The following SLC16A12 variants were observed in gnomAD, a reference collection of about 807,000 sequenced individuals.
SLC16A12 encodes the protein solute carrier family 16 member 12, also known as monocarboxylate transporter 12.
SLC16A12 carries 17 observed loss-of-function variants against 42.4 expected under a neutral mutation model. The ratio of observed to expected loss-of-function variants is 0.40; its 90% CI spans 0.27 to 0.60. SLC16A12 has a LOEUF of 0.60. Among genes scored for constraint, SLC16A12 ranks in the 20% least tolerant of loss-of-function variants. The pLI is 0.42. For missense variants in SLC16A12, 544 were observed against 623.0 expected (o/e 0.87, Z 1.35); for synonymous variants, 224 against 229.4 (o/e 0.98, Z 0.21).
intron 2 of SLC16A12, among the ~76,000 whole-genome samples, chr10:89,463,600 C>T (rs1204594141): frequency 6.6e-6 from 1 of 151,848 alleles, no homozygotes; most frequent in Admixed American, 6.6e-5. Context: ...ATAAAACAAA[C>T]CAAGATAAAA....
In SLC16A12 at chr10:89,487,809, C is replaced by CAAA. The variant is rs71022569; in HGVS notation, c.-46-25188_-46-25186dup. 3.1e-3 allele frequency among the ~76,000 whole-genome samples: 258 copies of CAAA among 84,536 alleles called. 5 individuals are homozygous for CAAA. Among genetic ancestry groups the CAAA allele is most frequent in the Middle Eastern group, 7.9e-3 (1 of 126 alleles). The allele number at this position is 84,536 out of a possible 152,430, so 55.5% of individuals were successfully genotyped here. The stretch of plus-strand genomic sequence containing the variant: ...CCTGGGCAACAGAGCGATTCTGTCT[C>CAAA]AAAAAAAAAAAAAAAAAAAAGGAAG... On this transcript the variant is annotated intron_variant, in intron 2 of 7. Coordinates refer to ENST00000371790, the MANE Select transcript of SLC16A12 (RefSeq NM_213606.4).
chr10:89,536,283 C>T (rs924702024), upstream of SLC16A12, among the ~76,000 whole-genome samples: 7 of 152,166 alleles, frequency 4.6e-5, no homozygotes, highest in African/African-American at 1.7e-4. Context: ...GCCAATCCTT[C>T]CCATTTCACA....
intron 2 of SLC16A12, among the ~76,000 whole-genome samples, chr10:89,474,319 C>T (rs1055250063): frequency 6.6e-6 from 1 of 152,154 alleles, no homozygotes; most frequent in Non-Finnish European, 1.5e-5. Context: ...TTACCCAAAC[C>T]CAAACAAAAT....
intron 2 of SLC16A12, among the ~76,000 whole-genome samples, chr10:89,488,616 T>C (rs1842799899): frequency 6.6e-6 from 1 of 152,212 alleles, no homozygotes; most frequent in African/African-American, 2.4e-5. Flanking sequence ...ATGCCTAGGA[T>C]AAAAGCAGCA....
intron 3 of SLC16A12, among the ~76,000 whole-genome samples, chr10:89,455,616 G>A (rs1044719124): frequency 3.3e-5 from 5 of 152,176 alleles, no homozygotes; most frequent in African/African-American, 1.2e-4. Context: ...CATGATGTAT[G>A]CCTCTGAACA....
chr10:89,529,370 C>A (rs1843504134), intron 2 of SLC16A12, among the ~76,000 whole-genome samples: 1 of 151,822 alleles, frequency 6.6e-6, no homozygotes, highest in African/African-American at 2.4e-5. Flanking sequence ...TTGAAAAAAA[C>A]ATAGTCTACA....
intron 2 of SLC16A12, among the ~76,000 whole-genome samples, chr10:89,482,250 A>AG (rs1388156906): frequency 0.04 from 6,116 of 151,112 alleles, 420 homozygotes; most frequent in African/African-American, 0.14. Flanking sequence ...AAAAAAAAAA[A>AG]AAGAAGAAGA....
At position 89,515,103 on chromosome 10, in the gene SLC16A12, GCAAAACAAAA is replaced by G. The variant is rs71942300; in HGVS notation, c.-47+19388_-47+19397del. ...CAAGACTTCATCTCAAAAAAAAGAA[GCAAAACAAAA>G]CAAAACAAAACAAAACAAAAAAAAA... On this transcript the variant is annotated intron_variant, in intron 2 of 7. Coordinates refer to ENST00000371790, the MANE Select transcript of SLC16A12 (RefSeq NM_213606.4). 3.0e-3 allele frequency among the ~76,000 whole-genome samples: 427 copies of G among 140,160 alleles called. 1 individual carries two copies. The highest frequency in any genetic ancestry group is 4.9e-3 in the Non-Finnish European group (316 of 64,518). 92.0% of individuals were successfully genotyped at this position (140,160 alleles called of 152,430 possible).
Position 89,443,653 on chromosome 10 carries a change from C to T in SLC16A12, c.304+103G>A, listed in dbSNP as rs111283449. 2,949 of 851,540 alleles carry T rather than the reference C, an allele frequency of 3.5e-3. 16 individuals are homozygous for T. Among genetic ancestry groups the T allele is most frequent in the Middle Eastern group, 0.028 (126 of 4,548 alleles). 52.7% of individuals were successfully genotyped at this position (851,540 alleles called of 1,614,324 possible). On this transcript the variant is annotated intron_variant, in intron 4 of 7. Transcript: ENST00000371790. ...TAGTCCTAGCCAGTTTTTAATGTAG[C>T]CCTTCTACTTAGGAAAACTAGTAAT... is the stretch of plus-strand genomic sequence containing the variant.
chr10:89,500,464 A>C (rs1842978462), intron 2 of SLC16A12, among the ~76,000 whole-genome samples: 1 of 152,178 alleles, frequency 6.6e-6, no homozygotes, highest in Non-Finnish European at 1.5e-5. Context: ...TTTTCATAGC[A>C]GGAGTGTGAA....
intron 2 of SLC16A12, among the ~76,000 whole-genome samples, chr10:89,507,407 G>A (rs536783752): frequency 1.3e-5 from 2 of 152,328 alleles, no homozygotes; most frequent in Admixed American, 6.5e-5. Flanking sequence ...AGAAGGGAGT[G>A]GGGGCCAATA....
intron 2 of SLC16A12, among the ~76,000 whole-genome samples, chr10:89,530,999 A>AT (rs1248475369): frequency 3.3e-5 from 5 of 152,072 alleles, no homozygotes; most frequent in African/African-American, 9.6e-5. Context: ...GTGTTGATAT[A>AT]TTTTTTTTAA....
chr10:89,536,671 T>C (rs1225347467), upstream of SLC16A12, among the ~76,000 whole-genome samples: 8 of 152,034 alleles, frequency 5.3e-5, no homozygotes, highest in Non-Finnish European at 8.8e-5. Context: ...ACGTCCTCAC[T>C]TCTTCAAGAG....
At chr10:89,462,263 A>C in intron 3 of SLC16A12, 116 bp downstream of exon 3, 1 of 1,417,378 alleles carries the variant, frequency 7.1e-7, no homozygotes, top group Non-Finnish European at 9.7e-7. Flanking sequence ...ATACACACAC[A>C]CCACATGAAC....
chr10:89,525,890 A>AT (rs1202739083), intron 2 of SLC16A12, among the ~76,000 whole-genome samples: 3 of 152,194 alleles, frequency 2.0e-5, no homozygotes, highest in Non-Finnish European at 4.4e-5. Flanking sequence ...AAATGTCTGG[A>AT]TTTTTTAAGG....
intron 2 of SLC16A12, among the ~76,000 whole-genome samples, chr10:89,471,544 T>C (rs936021543): frequency 6.6e-6 from 1 of 152,236 alleles, no homozygotes; most frequent in Non-Finnish European, 1.5e-5. Flanking sequence ...TTGTTGATAA[T>C]TGTTACAGCT....
chr10:89,502,434 G>A (rs1279392805), intron 2 of SLC16A12, among the ~76,000 whole-genome samples: 1 of 152,034 alleles, frequency 6.6e-6, no homozygotes, highest in African/African-American at 2.4e-5. Flanking sequence ...AACAGTGCAA[G>A]ACTCCATCTC....
At chr10:89,515,134 A>AAAAC (rs1843228714) in intron 2 of SLC16A12, among the ~76,000 whole-genome samples, 2 of 143,050 alleles carry the variant, frequency 1.4e-5, no homozygotes, top group African/African-American at 5.8e-5. Flanking sequence ...CAAAACAAAA[A>AAAAC]AAAAAGAAAA....
chr10:89,444,781 G>A (rs924680964), intron 3 of SLC16A12, among the ~76,000 whole-genome samples: 5 of 152,284 alleles, frequency 3.3e-5, no homozygotes, highest in Middle Eastern at 3.4e-3. Context: ...CCATGGAGGG[G>A]GAGCCGAAGC....
Sources: gnomAD v4.1 joint callset for allele counts (sites outside exome capture counted in the v4.1 genomes callset) on GRCh38, gnomAD v4.1.1 for gene constraint, MANE v1.5 for transcripts, NCBI Gene and HGNC (gene_info 2026-07-23, HGNC 2026-07-21) for gene names.